CCDC110: variants seen among roughly 807,000 people sequenced by gnomAD.
The protein encoded by CCDC110 is coiled-coil domain-containing protein 110.
CCDC110 carries 70 observed loss-of-function variants against 77.1 expected under a neutral mutation model. The ratio of observed to expected loss-of-function variants is 0.91; its 90% CI spans 0.75 to 1.11. The LOEUF is 1.11. Among genes scored for constraint, CCDC110 ranks in the 50% least tolerant of loss-of-function variants. The pLI is 0.00. For missense variants in CCDC110, 868 were observed against 942.9 expected, an observed-to-expected ratio of 0.92 and a Z score of 1.04; for synonymous variants, 295 against 312.5, an observed-to-expected ratio of 0.94 and a Z score of 0.59.
Position 185,468,778 on chromosome 4 carries a change from C to A in CCDC110, c.115+2167G>T, listed in dbSNP as rs192192862. Among the ~76,000 whole-genome samples the A allele has an allele frequency of 2.6e-5, 4 of 152,158 alleles. No homozygotes were observed. Among genetic ancestry groups the A allele is most frequent in the East Asian group, 1.9e-4 (1 of 5,198 alleles). The stretch of plus-strand genomic sequence containing the variant: ...TCTGCCACTCCAAATATTCCTCCCC[C>A]CCTTCTCAGCCTTATGTTCTCCATA... On this transcript the variant is annotated intron_variant, in intron 2 of 6. Transcript: ENST00000307588. The surrounding 1 kb of genome is among the most constrained non-coding windows in gnomAD (Gnocchi z 4.5).
chr4:185,458,061 T>C, intron 6 of CCDC110, 65 bp downstream of exon 6: 1 of 1,108,426 alleles, frequency 9.0e-7, no homozygotes, highest in Admixed American at 2.7e-5. Flanking sequence ...TTCTGTACTC[T>C]GTAGTGCCCA....
chr4:185,452,077 G>C (rs1271243128), intron 6 of CCDC110: 1 of 384,258 alleles, frequency 2.6e-6, no homozygotes, highest in African/African-American at 2.2e-5. Context: ...CATTCGATCT[G>C]ACAGGTGCAA....
At chr4:185,450,888 A>G (rs2095628046) in intron 6 of CCDC110, among the ~76,000 whole-genome samples, 2 of 152,312 alleles carry the variant, frequency 1.3e-5, no homozygotes, top group South Asian at 2.1e-4. Context: ...ATATCTAAAT[A>G]TCAAATAATA....
At chr4:185,452,162 A>G (rs13102235) in intron 6 of CCDC110, 469,720 of 977,096 alleles carry the variant, frequency 0.48, 115,757 homozygotes, top group East Asian at 0.8. Flanking sequence ...GTAACAATAC[A>G]AAACAGTTTT....
At chr4:185,471,467 C>G (rs951633278) in intron 1 of CCDC110, 2 of 514,196 alleles carry the variant, frequency 3.9e-6, no homozygotes, top group South Asian at 6.8e-5. Flanking sequence ...CGGCGGCAGA[C>G]CACGTAGCCA....
rs117630751 is a variant in CCDC110 at position 185,461,549 on chromosome 4, G to A, written c.238-390C>T. Among the ~76,000 whole-genome samples the A allele has an allele frequency of 9.5e-3, 1,451 of 152,184 alleles. 35 individuals carry two copies. Among genetic ancestry groups the A allele is most frequent in the Admixed American group, 0.034 (517 of 15,288 alleles). On this transcript the variant is annotated intron_variant, in intron 4 of 6. Coordinates refer to ENST00000307588, the MANE Select transcript of CCDC110 (RefSeq NM_152775.4). Reference sequence around the variant, plus strand: ...GAATATTGGGATGAAGTTTACACTGGGTCTTTAGTGAATATGTGTGTGTTA... The same window carrying A: ...GAATATTGGGATGAAGTTTACACTGAGTCTTTAGTGAATATGTGTGTGTTA...
In CCDC110 at chr4:185,460,229, T is replaced by C. The variant is rs755359007; in HGVS notation, c.358A>G (p.Asn120Asp). ...TRIEKDLPTENQEENLSMEKS... is the reference protein window; with the variant it reads ...TRIEKDLPTEDQEENLSMEKS... ...TCCATAGAAAGGTTTTCTTCTTGAT[T>C]CTCTGTAGGCTGTAACAATAAGAAG... Residue 120 changes from asparagine (N) to aspartate (D), a missense_variant, in exon 6 of 7, where the codon AAT becomes GAT. Transcript: ENST00000307588. 1.0e-5 allele frequency: 16 copies of C among 1,600,104 alleles called. No individual in the cohort carries two copies. In the Admixed American group the frequency reaches 2.7e-4, roughly 27 times the overall value.
At chr4:185,455,269 C>G (rs541139954) in intron 6 of CCDC110, among the ~76,000 whole-genome samples, 1 of 152,160 alleles carries the variant, frequency 6.6e-6, no homozygotes, top group Middle Eastern at 3.4e-3. Flanking sequence ...GGATATAGTG[C>G]TCACCATTAG....
intron 6 of CCDC110, among the ~76,000 whole-genome samples, chr4:185,453,580 C>T (rs1160445977): frequency 2.8e-5 from 4 of 143,482 alleles, no homozygotes; most frequent in Non-Finnish European, 6.0e-5. Flanking sequence ...CAGGGTCTTG[C>T]TCTGTCGCCT....
In CCDC110 at chr4:185,458,188, T is replaced by G. The variant is rs1460012312; in HGVS notation, c.2399A>C (p.Asp800Ala). 6.2e-7 allele frequency: 1 copy of G among 1,604,820 alleles called. No individual in the cohort carries two copies. The highest frequency in any genetic ancestry group is 8.5e-7 in the Non-Finnish European group (1 of 1,177,688). ...YISRREKFHF[D>A]NYTHEDTSSP... Reference sequence around the variant, plus strand: ...AGAAGTATCTTCGTGAGTATAGTTGTCAAAATGGAATTTCTCTCTTCTTGA... The same window carrying G: ...AGAAGTATCTTCGTGAGTATAGTTGGCAAAATGGAATTTCTCTCTTCTTGA... The change falls in exon 6 of 7, where the codon GAC becomes GCC. Residue 800 changes from aspartate (D) to alanine (A), a missense_variant. Transcript: ENST00000307588.
In CCDC110 at chr4:185,458,619, TTGTC is replaced by T. The variant is rs761671506; in HGVS notation, c.1964_1967del (p.Arg655LysfsTer25). 18 of 1,608,478 alleles carry T rather than the reference TTGTC, an allele frequency of 1.1e-5. No individual in the cohort carries two copies. Among genetic ancestry groups the T allele is most frequent in the Admixed American group, 5.0e-5 (3 of 59,914 alleles). On this transcript the variant is annotated frameshift_variant, in exon 6 of 7. Transcript: ENST00000307588. LOFTEE classifies it high-confidence loss of function. The stretch of plus-strand genomic sequence containing the variant: ...TATTCTCAATTTCTCTTTCCATAAT[TTGTC>T]TGGCAGCAGTAGATTCTTGTAATGT...
chr4:185,466,785 G>A (rs1056539520), intron 2 of CCDC110, among the ~76,000 whole-genome samples: 1 of 151,844 alleles, frequency 6.6e-6, no homozygotes, highest in Non-Finnish European at 1.5e-5. Context: ...TAACATGCTT[G>A]TTTGCTGCTG....
chr4:185,453,740 C>T (rs1480334007), intron 6 of CCDC110, among the ~76,000 whole-genome samples: 1 of 151,680 alleles, frequency 6.6e-6, no homozygotes, highest in African/African-American at 2.4e-5. Context: ...GAGACAAGGT[C>T]TCCCTATGCT....
At chr4:185,470,026 G>A (rs977461162) in intron 2 of CCDC110, among the ~76,000 whole-genome samples, 1 of 152,182 alleles carries the variant, frequency 6.6e-6, no homozygotes, top group African/African-American at 2.4e-5. Context: ...GAGGCGTGTA[G>A]TCAGTCGCCT....
intron 6 of CCDC110, among the ~76,000 whole-genome samples, chr4:185,453,817 T>A (rs1580172788): frequency 6.6e-6 from 1 of 150,820 alleles, no homozygotes; most frequent in East Asian, 1.9e-4. Flanking sequence ...GTTGCTATTT[T>A]TTTTTTTTTT....
chr4:185,469,827 G>T (rs1018153921), intron 2 of CCDC110, among the ~76,000 whole-genome samples: 5 of 152,174 alleles, frequency 3.3e-5, no homozygotes, highest in Admixed American at 1.3e-4. Flanking sequence ...TGAAGATCTT[G>T]CATGGTGGAG....
Position 185,458,384 on chromosome 4 carries a change from T to C in CCDC110, c.2203A>G (p.Ser735Gly). 1 of 1,593,150 alleles carries C rather than the reference T, an allele frequency of 6.3e-7. No individual in the cohort carries two copies. ...TTGTCTTCAGTAAGTCTACTGATGC[T>C]GTTTTCAAATTTTATATTTTCTTGA... The part of the protein sequence containing the change: ...HSQENIKFEN[S>G]ISRLTEDKIL... Residue 735 changes from serine to glycine, a missense_variant, in exon 6 of 7, where the codon AGC (serine) becomes GGC (glycine). Coordinates refer to ENST00000307588, the MANE Select transcript of CCDC110 (RefSeq NM_152775.4).
At position 185,452,255 on chromosome 4, in the gene CCDC110, G is replaced by C. The variant is rs1480090262; in HGVS notation, c.2461+5871C>G. 4.1e-6 allele frequency: 4 copies of C among 985,414 alleles called. No homozygotes were observed. In the African/African-American group the frequency reaches 7.0e-5, roughly 17 times the overall value. 61.0% of individuals were successfully genotyped at this position (985,414 alleles called of 1,614,324 possible). A position where few individuals can be genotyped will look rare whatever the true frequency, so the allele number is the denominator to read the frequency against. On this transcript the variant is annotated intron_variant, in intron 6 of 6. Transcript: ENST00000307588. The stretch of plus-strand genomic sequence containing the variant: ...TATCTACTCTCCTGTTATGATGCCT[G>C]TATGACTTGGGTAGTTTTCTGCATC...
rs2095607664 is a variant in CCDC110 at position 185,445,443 on chromosome 4, G to A, written c.*59C>T. On this transcript the variant is annotated 3_prime_UTR_variant, in exon 7 of 7. Coordinates refer to ENST00000307588, the MANE Select transcript of CCDC110 (RefSeq NM_152775.4). ...GAGTTAGATATGCATAGTTCAGTTA[G>A]CAGTACAATTAACATTGGCTATTTC... 8.6e-7 allele frequency: 1 copy of A among 1,163,134 alleles called. No individual in the cohort carries two copies. The highest frequency in any genetic ancestry group is 1.5e-5 in the African/African-American group (1 of 64,782). The allele number at this position is 1,163,134 out of a possible 1,614,324, so 72.1% of individuals were successfully genotyped here. A position where few individuals can be genotyped will look rare whatever the true frequency, so the allele number is the denominator to read the frequency against.
Sources: allele counts gnomAD v4.1 joint callset (sites outside exome capture counted in the v4.1 genomes callset), GRCh38; gene constraint gnomAD v4.1.1; non-coding constraint Gnocchi (gnomAD v3.1); transcripts MANE v1.5; gene names NCBI Gene and HGNC (gene_info 2026-07-23, HGNC 2026-07-21).